The following MATR3 variants were observed in gnomAD, a reference collection of about 807,000 sequenced individuals.
MATR3 encodes matrin 3.
Under a neutral mutation model 85.5 loss-of-function variants are expected in MATR3, and 4 were observed. The ratio of observed to expected loss-of-function variants is 0.05; its 90% CI spans 0.02 to 0.11. MATR3 has a LOEUF of 0.11. Ranked by LOEUF, MATR3 falls within the 10% of genes least tolerant of loss-of-function variation. MATR3 has a pLI of 1.00. For synonymous variants in MATR3, 336 were observed against 343.1 expected, an observed-to-expected ratio of 0.98 and a Z score of 0.23; for missense variants, 685 against 1,016.1, an observed-to-expected ratio of 0.67 and a Z score of 4.43.
intron 3 of MATR3, among the ~76,000 whole-genome samples, chr5:139,288,667 G>A (rs917036010): frequency 6.6e-6 from 1 of 151,760 alleles, no homozygotes; most frequent in South Asian, 2.1e-4. Flanking sequence ...TTGAGACGGA[G>A]TCTCACTCTG....
At position 139,308,230 on chromosome 5, in the gene MATR3, C is replaced by T. The variant is rs1476045080; in HGVS notation, c.815C>T (p.Ala272Val). 1 of 1,614,086 alleles carries T rather than the reference C, an allele frequency of 6.2e-7. No homozygotes were observed. Among genetic ancestry groups the T allele is most frequent in the East Asian group, 2.2e-5 (1 of 44,884 alleles). The part of the protein sequence containing the change: ...ERSLFEKKRG[A>V]PPSSNIEDFH... ...TCTCTCTTTGAGAAAAAGAGAGGCG[C>T]TCCTCCAAGTAGCAATATTGAAGAC... Residue 272 changes from alanine (A) to valine (V), a missense_variant, in exon 2 of 15, where the codon GCT becomes GTT. This residue lies in a region of MATR3 where 223 missense variants were observed against 334.4 expected (regional missense o/e 0.67). Coordinates refer to ENST00000394805, the MANE Select transcript of MATR3 (RefSeq NM_018834.6).
chr5:139,308,022 G>C lies in MATR3; in HGVS notation c.607G>C (p.Asp203His), dbSNP rs1471697720. 6.2e-7 allele frequency: 1 copy of C among 1,614,010 alleles called. No individual in the cohort carries two copies. The highest frequency in any genetic ancestry group is 1.3e-5 in the African/African-American group (1 of 74,912). ...TAGTCTCAACCCAGTGCTTGATTATGACCATGGAAGTCGTTCTCAAGAATC... is the reference window on the plus strand; with the variant it reads ...TAGTCTCAACCCAGTGCTTGATTATCACCATGGAAGTCGTTCTCAAGAATC... ...GPSLNPVLDYDHGSRSQESGY... is the reference protein window; with the variant it reads ...GPSLNPVLDYHHGSRSQESGY... The change falls in exon 2 of 15, where the codon GAC becomes CAC. Residue 203 changes from aspartate to histidine, a missense_variant. This residue lies in a region of MATR3 where 223 missense variants were observed against 334.4 expected (regional missense o/e 0.67). Transcript: ENST00000394805.
At chr5:139,275,222 C>T (rs1481117987) in intron 1 of MATR3, among the ~76,000 whole-genome samples, 2 of 127,966 alleles carry the variant, frequency 1.6e-5, no homozygotes, top group African/African-American at 5.9e-5. Context: ...TGGTCTCGAT[C>T]TCCTGAACTC....
At chr5:139,298,045 A>C (rs1754249512) in intron 1 of MATR3, among the ~76,000 whole-genome samples, 1 of 152,198 alleles carries the variant, frequency 6.6e-6, no homozygotes, top group South Asian at 2.1e-4. Flanking sequence ...TATGGAAAGT[A>C]GTCATTTAAT....
At chr5:139,275,886 G>T (rs1753257959) in intron 1 of MATR3, among the ~76,000 whole-genome samples, 1 of 152,174 alleles carries the variant, frequency 6.6e-6, no homozygotes, top group South Asian at 2.1e-4. Context: ...ACTGGTTAGG[G>T]GATAGAGCCA....
At chr5:139,315,601 T>G in intron 3 of MATR3, 96 bp from the exon 4 acceptor site, 1 of 801,782 alleles carries the variant, frequency 1.2e-6, no homozygotes. Context: ...CTCAGATAAC[T>G]TTACTAATAA....
chr5:139,307,607 G>C lies in MATR3; in HGVS notation c.192G>C (p.Leu64Phe). 6.2e-7 allele frequency: 1 copy of C among 1,614,124 alleles called. No individual in the cohort carries two copies. The highest frequency in any genetic ancestry group is 8.5e-7 in the Non-Finnish European group (1 of 1,180,020). The change falls in exon 2 of 15, where the codon TTG becomes TTC. Residue 64 changes from leucine (L) to phenylalanine (F), a missense_variant. By Grantham distance (22) the Leu-to-Phe change is conservative. Around this residue, in one of 9 missense-constraint regions of MATR3, gnomAD observed 57 missense variants for 68.6 expected, o/e 0.83. Coordinates refer to ENST00000394805, the MANE Select transcript of MATR3 (RefSeq NM_018834.6). This position sits in a 1 kb window ranked among gnomAD's most constrained non-coding sequence, Gnocchi z 4.4. The part of the protein sequence containing the change: ...SLMNLGMSSS[L>F]NQQGAHSALS... ...TGAATCTTGGAATGAGTTCTTCATTGAATCAACAAGGAGCTCATAGTGCAC... is the reference window on the plus strand; with the variant it reads ...TGAATCTTGGAATGAGTTCTTCATTCAATCAACAAGGAGCTCATAGTGCAC...
chr5:139,316,537 GC>G (rs1255914631), intron 5 of MATR3, among the ~76,000 whole-genome samples: 2 of 152,168 alleles, frequency 1.3e-5, no homozygotes, highest in African/African-American at 4.8e-5. Context: ...GAGCCACTGT[GC>G]CAGGCCGCAA....
intron 9 of MATR3, among the ~76,000 whole-genome samples, chr5:139,320,178 G>A (rs543303915): frequency 5.3e-5 from 8 of 151,366 alleles, no homozygotes; most frequent in South Asian, 4.2e-4. Context: ...GCGTGGTGGC[G>A]TGCGCCTGTT....
chr5:139,322,565 C>T (rs1239008748), intron 11 of MATR3, 33 bp from the exon 12 acceptor site: 1 of 1,564,350 alleles, frequency 6.4e-7, no homozygotes, highest in Non-Finnish European at 8.8e-7. Flanking sequence ...TTTCAGACAA[C>T]AAATTAATTG....
At chr5:139,321,399 C>A (rs1419247419) in intron 9 of MATR3, among the ~76,000 whole-genome samples, 4 of 152,074 alleles carry the variant, frequency 2.6e-5, no homozygotes, top group Admixed American at 2.6e-4. Flanking sequence ...GGTGAGCCAC[C>A]CGCCTTGGCC....
chr5:139,331,285 A>T lies in MATR3; in HGVS notation c.*1890A>T, dbSNP rs1231562588. On this transcript the variant is annotated 3_prime_UTR_variant, in exon 15 of 15. Coordinates refer to ENST00000394805, the MANE Select transcript of MATR3 (RefSeq NM_018834.6). The stretch of plus-strand genomic sequence containing the variant: ...CTTGCCAGTTTACTTCTGCAATTTA[A>T]TTTTAGCCTTTACTAATTACCCACT... The T allele has an allele frequency of 2.2e-6, 1 of 454,126 alleles. No homozygotes were observed. Among genetic ancestry groups the T allele is most frequent in the South Asian group, 1.6e-5 (1 of 64,472 alleles). 28.1% of individuals were successfully genotyped at this position (454,126 alleles called of 1,614,324 possible).
intron 1 of MATR3, chr5:139,295,027 T>G (rs1284526897): frequency 1.3e-5 from 2 of 152,230 alleles, no homozygotes; most frequent in Non-Finnish European, 2.9e-5. Flanking sequence ...GTATTGGTAC[T>G]GCGTTCTGTG....
At chr5:139,283,017 T>C (rs551212112) in intron 3 of MATR3, 8 of 152,362 alleles carry the variant, frequency 5.3e-5, no homozygotes, top group African/African-American at 1.9e-4. Context: ...TCTCAAAACA[T>C]TCCATTTTTA....
At chr5:139,279,104 C>T (rs1290204456) in exon 3 of MATR3, 3 of 455,288 alleles carry the variant, frequency 6.6e-6, no homozygotes, top group Non-Finnish European at 1.3e-5. Context: ...TGTCTGACAG[C>T]CCTGTGTGAC....
chr5:139,297,291 A>G (rs970931463), intron 1 of MATR3, among the ~76,000 whole-genome samples: 1 of 152,202 alleles, frequency 6.6e-6, no homozygotes, highest in Non-Finnish European at 1.5e-5. Flanking sequence ...TTTTCTGTAT[A>G]TGTGGTTGGT....
At chr5:139,279,342 C>T in intron 3 of MATR3, 1 of 340,972 alleles carries the variant, frequency 2.9e-6, no homozygotes, top group Non-Finnish European at 5.8e-6. Flanking sequence ...GATTCTCCTG[C>T]CTCAGCCTCC....
intron 10 of MATR3, 67 bp from the exon 11 acceptor site, chr5:139,322,396 T>A: frequency 7.1e-7 from 1 of 1,398,780 alleles, no homozygotes; most frequent in Non-Finnish European, 1.0e-6. Flanking sequence ...TGTCTCCAAT[T>A]ATTAATTCAC....
intron 1 of MATR3, among the ~76,000 whole-genome samples, chr5:139,305,904 C>T (rs189628960): frequency 6.6e-6 from 1 of 152,200 alleles, no homozygotes; most frequent in African/African-American, 2.4e-5. Context: ...CTGTATTTGT[C>T]CATTGTATCC....
Sources: gnomAD v4.1 joint callset for allele counts (sites outside exome capture counted in the v4.1 genomes callset) on GRCh38, gnomAD v4.1.1 for gene constraint, gnomAD v4.1.1 regional missense constraint, Gnocchi (gnomAD v3.1) non-coding constraint, MANE v1.5 for transcripts, NCBI Gene and HGNC (gene_info 2026-07-23, HGNC 2026-07-21) for gene names.